The following INTS13 variants were observed in gnomAD, a reference collection of about 807,000 sequenced individuals.
INTS13 encodes the protein asunder, spermatogenesis regulator homolog (Drosphila).
Under a neutral mutation model 90.2 loss-of-function variants are expected in INTS13, and 35 were observed. That is an observed-to-expected ratio of 0.39 (90% CI 0.30 to 0.51). INTS13 has a LOEUF of 0.51. INTS13 is among the 20% of genes least tolerant of loss of function. The pLI is 0.80. For synonymous variants in INTS13, 309 were observed against 277.1 expected (o/e 1.11, Z -1.14); for missense variants, 601 against 851.2 (o/e 0.71, Z 3.66).
intron 6 of INTS13, among the ~76,000 whole-genome samples, chr12:26,925,422 A>G (rs910488328): frequency 1.3e-5 from 2 of 152,130 alleles, no homozygotes; most frequent in African/African-American, 4.8e-5. Context: ...ATTTTTTGTT[A>G]AAGAGTGTAT....
At chr12:26,932,460 C>T (rs1014076040) in intron 3 of INTS13, among the ~76,000 whole-genome samples, 1 of 152,204 alleles carries the variant, frequency 6.6e-6, no homozygotes, top group African/African-American at 2.4e-5. Context: ...TAAGTGACTA[C>T]ATCTCCCCTA....
chr12:26,934,264 T>C (rs1938345744), intron 3 of INTS13, among the ~76,000 whole-genome samples: 1 of 151,994 alleles, frequency 6.6e-6, no homozygotes, highest in African/African-American at 2.4e-5. Context: ...CAAGACTCCG[T>C]CTCAAAATAA....
At chr12:26,915,838 A>T (rs551273027) in intron 11 of INTS13, among the ~76,000 whole-genome samples, 164 bp downstream of exon 11, 1 of 152,356 alleles carries the variant, frequency 6.6e-6, no homozygotes, top group South Asian at 2.1e-4. Flanking sequence ...TGATAAATAG[A>T]ATTTTTGAGC....
chr12:26,917,461 T>C lies in INTS13; in HGVS notation c.980-20A>G. 1 of 1,382,544 alleles carries C rather than the reference T, an allele frequency of 7.2e-7. No individual in the cohort carries two copies. Among genetic ancestry groups the C allele is most frequent in the Non-Finnish European group, 1.0e-6 (1 of 990,548 alleles). 85.6% of individuals were successfully genotyped at this position (1,382,544 alleles called of 1,614,324 possible). A position where few individuals can be genotyped will look rare whatever the true frequency, so the allele number is the denominator to read the frequency against. On this transcript the variant is annotated intron_variant, in intron 9 of 16. Coordinates refer to ENST00000261191, the MANE Select transcript of INTS13 (RefSeq NM_018164.3). ...GTAATTCTGAAATAGAAGAAAACACTGATTTGAAAGAATATAAAGAAATAT... is the reference window on the plus strand; with the variant it reads ...GTAATTCTGAAATAGAAGAAAACACCGATTTGAAAGAATATAAAGAAATAT...
intron 1 of INTS13, 200 bp downstream of exon 1, chr12:26,937,596 G>C (rs1209113765): frequency 1.3e-5 from 2 of 152,200 alleles, no homozygotes; most frequent in African/African-American, 4.8e-5. Context: ...AAAGCACATG[G>C]CAAGCAAAGC....
intron 3 of INTS13, among the ~76,000 whole-genome samples, chr12:26,932,469 T>TA: frequency 6.6e-6 from 1 of 152,282 alleles, no homozygotes; most frequent in African/African-American, 2.4e-5. Context: ...ACATCTCCCC[T>TA]ACCCCACAAG....
At chr12:26,938,025 G>A (rs1175770508), upstream of INTS13, 2 of 151,894 alleles carry the variant, frequency 1.3e-5, no homozygotes, top group African/African-American at 4.9e-5. Flanking sequence ...TCGGGCTCGC[G>A]CGTGCGCACA....
At chr12:26,908,631 A>G (rs568871480) in intron 15 of INTS13, among the ~76,000 whole-genome samples, 1 of 152,124 alleles carries the variant, frequency 6.6e-6, no homozygotes, top group Non-Finnish European at 1.5e-5. Context: ...CCTTAAGTAC[A>G]GTGTATACAG....
At chr12:26,914,837 G>A (rs1951883640) in intron 11 of INTS13, among the ~76,000 whole-genome samples, 1 of 152,092 alleles carries the variant, frequency 6.6e-6, no homozygotes. Context: ...TAAAAACCAA[G>A]GAACACTTTT....
intron 11 of INTS13, 36 bp downstream of exon 11, chr12:26,915,966 T>C: frequency 3.4e-6 from 5 of 1,490,138 alleles, no homozygotes; most frequent in Non-Finnish European, 4.5e-6. Flanking sequence ...TGATGACAGA[T>C]TCAAAACTTA....
intron 3 of INTS13, 59 bp from the exon 4 acceptor site, chr12:26,928,964 T>G: frequency 2.7e-6 from 4 of 1,485,166 alleles, no homozygotes; most frequent in Non-Finnish European, 3.7e-6. Context: ...GATAAAAATA[T>G]CACAAGAAAG....
chr12:26,911,112 G>C, intron 15 of INTS13, 66 bp downstream of exon 15: 1 of 1,531,006 alleles, frequency 6.5e-7, no homozygotes, highest in Non-Finnish European at 8.8e-7. Context: ...TGGGATTACA[G>C]GGGTAAGCCA....
At chr12:26,915,094 C>T (rs572498613) in intron 11 of INTS13, among the ~76,000 whole-genome samples, 1 of 152,188 alleles carries the variant, frequency 6.6e-6, no homozygotes, top group East Asian at 1.9e-4. Flanking sequence ...GGCATGGTGG[C>T]AGGCGCCTAT....
At chr12:26,922,196 A>G (rs1952139544) in intron 8 of INTS13, among the ~76,000 whole-genome samples, 1 of 152,190 alleles carries the variant, frequency 6.6e-6, no homozygotes, top group Non-Finnish European at 1.5e-5. Flanking sequence ...GGTCCATAGT[A>G]GCCTAATGCT....
upstream of INTS13, chr12:26,938,296 C>G (rs1000719707): frequency 2.0e-5 from 3 of 152,330 alleles, no homozygotes; most frequent in Admixed American, 2.0e-4. Context: ...TCTCTCCACC[C>G]AGGCCGGTTT....
chr12:26,909,368 A>AAATAAATAC (rs1951708202), intron 15 of INTS13, among the ~76,000 whole-genome samples: 1 of 152,176 alleles, frequency 6.6e-6, no homozygotes, highest in Non-Finnish European at 1.5e-5. Context: ...CTCAATAAAT[A>AAATAAATAC]AATAAATACA....
chr12:26,932,559 G>A (rs183690083), intron 3 of INTS13, among the ~76,000 whole-genome samples: 9 of 152,164 alleles, frequency 5.9e-5, no homozygotes, highest in Non-Finnish European at 1.2e-4. Context: ...GAGAGTAAAG[G>A]TAAGATACTA....
intron 15 of INTS13, among the ~76,000 whole-genome samples, chr12:26,910,790 T>C (rs1951748077): frequency 6.6e-6 from 1 of 152,140 alleles, no homozygotes; most frequent in African/African-American, 2.4e-5. Context: ...CTTCCTCACA[T>C]ACACAACAAT....
At chr12:26,936,854 A>G in intron 1 of INTS13, 40 bp from the exon 2 acceptor site, 1 of 1,301,070 alleles carries the variant, frequency 7.7e-7, no homozygotes, top group Non-Finnish European at 1.1e-6. Context: ...ATTTGTACAT[A>G]ACATCTTACA....
Sources: allele counts gnomAD v4.1 joint callset (sites outside exome capture counted in the v4.1 genomes callset), GRCh38; gene constraint gnomAD v4.1.1; transcripts MANE v1.5; gene names NCBI Gene and HGNC (gene_info 2026-07-23, HGNC 2026-07-21).